Variants in MOCOS observed in about 807,000 individuals in gnomAD.
The protein encoded by MOCOS is molybdenum cofactor sulfurase.
A neutral mutation model predicts 83.6 loss-of-function variants in MOCOS; 86 were observed. The ratio of observed to expected loss-of-function variants is 1.03; its 90% CI spans 0.86 to 1.23. MOCOS has a LOEUF of 1.23. Ranked by LOEUF, MOCOS falls within the 50% of genes most tolerant of loss-of-function variation. The pLI is 0.00. For missense variants in MOCOS, 1,120 were observed against 1,126.9 expected (o/e 0.99, Z 0.09); for synonymous variants, 445 against 434.7 (o/e 1.02, Z -0.29).
At chr18:36,261,014 G>C (rs372039592) in intron 13 of MOCOS, among the ~76,000 whole-genome samples, 3 of 151,928 alleles carry the variant, frequency 2.0e-5, no homozygotes, top group East Asian at 3.9e-4. Flanking sequence ...TGTGTGGGAG[G>C]GTGAGACCAA....
In MOCOS at chr18:36,195,278, C is replaced by T; in HGVS notation, c.164C>T (p.Ala55Val). The T allele has an allele frequency of 6.2e-7, 1 of 1,614,048 alleles. No individual in the cohort carries two copies. The highest frequency in any genetic ancestry group is 8.5e-7 in the Non-Finnish European group (1 of 1,179,908). ...RLAGTVYLDH[A>V]GATLFSQSQL... ...TCAGGAACTGTCTATCTTGACCATG[C>T]AGGTGCCACCTTGTTCTCCCAGAGC... The change falls in exon 2 of 15, where the codon GCA becomes GTA. Residue 55 changes from alanine to valine, a missense_variant. Ala to Val is a moderately conservative substitution (Grantham distance 64). Coordinates refer to ENST00000261326, the MANE Select transcript of MOCOS (RefSeq NM_017947.4).
rs189262014 is a variant in MOCOS at position 36,262,832 on chromosome 18, G to T, written c.2409+2657G>T. ...TTTCAAGAAAGTAAATGCTTGGCTG[G>T]GCACAGTGGCTCATGCCTGAAATCC... On this transcript the variant is annotated intron_variant, in intron 13 of 14. Coordinates refer to ENST00000261326, the MANE Select transcript of MOCOS (RefSeq NM_017947.4). Among the ~76,000 whole-genome samples, 225 of 152,336 alleles carry T rather than the reference G, an allele frequency of 1.5e-3. 1 individual carries two copies. Among genetic ancestry groups the T allele is most frequent in the Non-Finnish European group, 2.2e-3 (149 of 68,038 alleles).
At chr18:36,190,462 A>G (rs1338598075) in intron 1 of MOCOS, among the ~76,000 whole-genome samples, 1 of 152,124 alleles carries the variant, frequency 6.6e-6, no homozygotes, top group Non-Finnish European at 1.5e-5. Flanking sequence ...TAAAGTGTGT[A>G]GCACAAACTG....
intron 2 of MOCOS, among the ~76,000 whole-genome samples, chr18:36,197,916 C>A (rs996587623): frequency 1.9e-4 from 29 of 152,194 alleles, no homozygotes; most frequent in Non-Finnish European, 3.2e-4. Flanking sequence ...TTGTTGCTGA[C>A]CTTACCCCCA....
chr18:36,238,385 T>G (rs1257775664), intron 9 of MOCOS, among the ~76,000 whole-genome samples: 3 of 151,298 alleles, frequency 2.0e-5, no homozygotes, highest in Admixed American at 6.6e-5. Context: ...CTTCATTTCG[T>G]TATGTACCCA....
At chr18:36,213,505 C>T in intron 7 of MOCOS, 23 bp downstream of exon 7, 2 of 1,592,804 alleles carry the variant, frequency 1.3e-6, no homozygotes, top group Non-Finnish European at 8.6e-7. Context: ...CTCTGCGATC[C>T]AGACGCTGGT....
chr18:36,214,244 CAAAA>C (rs33965546), intron 7 of MOCOS, among the ~76,000 whole-genome samples: 112 of 91,360 alleles, frequency 1.2e-3, no homozygotes, highest in East Asian at 4.6e-3. Context: ...AACTCAGTCT[CAAAA>C]AAAAAAAAAA....
At chr18:36,227,966 A>G (rs538678564) in intron 9 of MOCOS, among the ~76,000 whole-genome samples, 3 of 152,378 alleles carry the variant, frequency 2.0e-5, no homozygotes, top group East Asian at 1.9e-4. Flanking sequence ...TCCAGCATCT[A>G]TAAGGAACTT....
chr18:36,215,188 A>G (rs1245687884), intron 7 of MOCOS, among the ~76,000 whole-genome samples: 1 of 152,060 alleles, frequency 6.6e-6, no homozygotes, highest in African/African-American at 2.4e-5. Context: ...TGCTTCTGAA[A>G]CCTTAGTCTG....
In MOCOS at chr18:36,240,208, G is replaced by A. The variant is rs1313460891; in HGVS notation, c.1961-8714G>A. Among the ~76,000 whole-genome samples, 367 of 132,492 alleles carry A rather than the reference G, an allele frequency of 2.8e-3. 1 individual carries two copies. Among genetic ancestry groups the A allele is most frequent in the Non-Finnish European group, 4.7e-3 (295 of 63,232 alleles). 86.9% of individuals were successfully genotyped at this position (132,492 alleles called of 152,430 possible). A position where few individuals can be genotyped will look rare whatever the true frequency, so the allele number is the denominator to read the frequency against. ...TGCGTTCCTTTGGAGGAGGAGAGGC[G>A]CTCTGATTTTTAGAGTTTCCAGTTT... is the stretch of plus-strand genomic sequence containing the variant. On this transcript the variant is annotated intron_variant, in intron 9 of 14. Coordinates refer to ENST00000261326, the MANE Select transcript of MOCOS (RefSeq NM_017947.4).
At chr18:36,192,682 CTG>C (rs1221347459) in intron 1 of MOCOS, among the ~76,000 whole-genome samples, 2 of 152,196 alleles carry the variant, frequency 1.3e-5, no homozygotes, top group Non-Finnish European at 2.9e-5. Context: ...GAGTCTCACT[CTG>C]TCACAAAGAC....
At chr18:36,211,670 C>G (rs569042325) in intron 6 of MOCOS, among the ~76,000 whole-genome samples, 2 of 152,184 alleles carry the variant, frequency 1.3e-5, no homozygotes, top group East Asian at 3.9e-4. Flanking sequence ...TTCCCCAGGG[C>G]TGAGGGCAAG....
chr18:36,187,538 C>T lies in MOCOS; in HGVS notation c.-2C>T. The T allele has an allele frequency of 8.1e-7, 1 of 1,235,846 alleles. No individual in the cohort carries two copies. Among genetic ancestry groups the T allele is most frequent in the Non-Finnish European group, 1.0e-6 (1 of 989,546 alleles). The allele number at this position is 1,235,846 out of a possible 1,614,324, so 76.6% of individuals were successfully genotyped here. A position where few individuals can be genotyped will look rare whatever the true frequency, so the allele number is the denominator to read the frequency against. On this transcript the variant is annotated 5_prime_UTR_variant, in exon 1 of 15. Transcript: ENST00000261326. Reference sequence around the variant, plus strand: ...GCCGGCCTGGATGGACTAGCCGGGGCCATGGCCGGCGCGGCGGCGGAGTCA... The same window carrying T: ...GCCGGCCTGGATGGACTAGCCGGGGTCATGGCCGGCGCGGCGGCGGAGTCA...
intron 9 of MOCOS, among the ~76,000 whole-genome samples, chr18:36,229,117 A>C (rs1433480048): frequency 1.3e-5 from 2 of 152,256 alleles, no homozygotes; most frequent in East Asian, 3.9e-4. Flanking sequence ...TAGTAACATA[A>C]TATTATTTAT....
chr18:36,217,814 C>A (rs940913522), intron 8 of MOCOS, among the ~76,000 whole-genome samples: 66 of 152,156 alleles, frequency 4.3e-4, no homozygotes, highest in African/African-American at 1.5e-3. Flanking sequence ...CAGAATGTAA[C>A]CCACAGCTGT....
rs79632029 is a variant in MOCOS at position 36,219,896 on chromosome 18, T to A, written c.1798-159T>A. On this transcript the variant is annotated intron_variant, in intron 8 of 14. Transcript: ENST00000261326. ...AGCTCCTACATCATCTTCTTTGCAC[T>A]GTCCTCTCTGTTTTAGTTTCTTCTC... Among the ~76,000 whole-genome samples the A allele has an allele frequency of 0.023, 3,479 of 152,278 alleles. 132 individuals carry two copies. The highest frequency in any genetic ancestry group is 0.079 in the African/African-American group (3,267 of 41,546).
intron 9 of MOCOS, among the ~76,000 whole-genome samples, chr18:36,231,674 C>G (rs193188881): frequency 6.6e-6 from 1 of 152,128 alleles, no homozygotes; most frequent in South Asian, 2.1e-4. Context: ...ACAGAATGAG[C>G]CTTCATGCTT....
intron 6 of MOCOS, among the ~76,000 whole-genome samples, chr18:36,213,066 T>C (rs1329068397): frequency 6.6e-6 from 1 of 152,206 alleles, no homozygotes. Context: ...ATACTCAGCA[T>C]GGACACAGTA....
chr18:36,201,243 T>TA (rs2091413218), intron 4 of MOCOS, among the ~76,000 whole-genome samples: 1 of 152,172 alleles, frequency 6.6e-6, no homozygotes, highest in Non-Finnish European at 1.5e-5. Context: ...GCCTTGACGA[T>TA]AGAGTCAGTG....
Sources: gnomAD v4.1 joint callset for allele counts (sites outside exome capture counted in the v4.1 genomes callset) on GRCh38, gnomAD v4.1.1 for gene constraint, MANE v1.5 for transcripts, NCBI Gene and HGNC (gene_info 2026-07-23, HGNC 2026-07-21) for gene names.